BCLAF3: variants seen among roughly 807,000 people sequenced by gnomAD.
The protein encoded by BCLAF3 is transient octamer binding factor 1.
Under a neutral mutation model 51.2 loss-of-function variants are expected in BCLAF3, and 24 were observed. The observed-to-expected ratio is 0.47, with a 90% CI of 0.34 to 0.66. The LOEUF is 0.66. Ranked by LOEUF, BCLAF3 falls within the 30% of genes least tolerant of loss-of-function variation. The pLI is 0.01. For synonymous variants in BCLAF3, 152 were observed against 176.6 expected, an observed-to-expected ratio of 0.86 and a Z score of 1.10; for missense variants, 465 against 525.1, an observed-to-expected ratio of 0.89 and a Z score of 1.12.
At chrX:19,988,880 GCTTT>G (rs1911119904) in intron 1 of BCLAF3, among the ~76,000 whole-genome samples, 1 of 111,698 alleles carries the variant, frequency 9.0e-6, no homozygotes, top group South Asian at 3.7e-4. Flanking sequence ...ACCTAGATAA[GCTTT>G]CTTTACCAAA....
At chrX:19,963,186 T>G (rs1478586871) in intron 4 of BCLAF3, among the ~76,000 whole-genome samples, 1 of 105,341 alleles carries the variant, frequency 9.5e-6, no homozygotes, top group African/African-American at 3.4e-5. Context: ...GCTCCCTTTT[T>G]TTTTTTTTTT....
At chrX:19,939,573 A>C (rs1957270116) in intron 8 of BCLAF3, among the ~76,000 whole-genome samples, 2 of 112,212 alleles carry the variant, frequency 1.8e-5, no homozygotes, top group African/African-American at 6.5e-5. Context: ...ACACCACTTT[A>C]CACTAACTAG....
chrX:19,921,965 T>C (rs972590134), intron 11 of BCLAF3, among the ~76,000 whole-genome samples: 1 of 110,921 alleles, frequency 9.0e-6, no homozygotes, highest in East Asian at 2.8e-4. Flanking sequence ...ATCATGCCAT[T>C]ACACTCCAGC....
At chrX:19,959,148 C>T (rs2071768468) in intron 4 of BCLAF3, among the ~76,000 whole-genome samples, 1 of 112,266 alleles carries the variant, frequency 8.9e-6, no homozygotes, top group Non-Finnish European at 1.9e-5. Context: ...GTTTTTCTGC[C>T]ATTGTTAACC....
rs144225102 is a variant in BCLAF3, at chrX:19,980,424, A to C, written c.-34-10126T>G. Among the ~76,000 whole-genome samples the C allele has an allele frequency of 4.9e-3, 555 of 112,217 alleles. 1 individual carries two copies. The highest frequency in any genetic ancestry group is 8.3e-3 in the Non-Finnish European group (444 of 53,247). ...TTTACATCAGTCACGAAGTTCCTTAAACATCAAGGCAACAAGAAAAACAGT... is the reference window on the plus strand; with the variant it reads ...TTTACATCAGTCACGAAGTTCCTTACACATCAAGGCAACAAGAAAAACAGT... On this transcript the variant is annotated intron_variant, in intron 1 of 11. Coordinates refer to ENST00000379682, the MANE Select transcript of BCLAF3 (RefSeq NM_001367774.2).
rs747686606 is a variant in BCLAF3, at chrX:19,987,364, G to A, written c.-35+3544C>T. Among the ~76,000 whole-genome samples the A allele has an allele frequency of 2.7e-5, 3 of 112,192 alleles. No individual in the cohort carries two copies. The East Asian group carries it at 8.4e-4, about 31-fold the overall frequency. ...CTGTCACCCAGGCTGGAGTGCAGTG[G>A]CACGATCTCGACTCACTGCAACCTC... On this transcript the variant is annotated intron_variant, in intron 1 of 11. Coordinates refer to ENST00000379682, the MANE Select transcript of BCLAF3 (RefSeq NM_001367774.2).
chrX:19,968,611 G>T (rs749207729), intron 2 of BCLAF3, among the ~76,000 whole-genome samples: 1 of 113,115 alleles, frequency 8.8e-6, no homozygotes, highest in Admixed American at 9.3e-5. Context: ...AGCTCAAGCT[G>T]CTTGCTGTAT....
At position 19,966,254 on chromosome X, in the gene BCLAF3, C is replaced by T; in HGVS notation, c.437G>A (p.Arg146Lys). ...GGHSPDDHRV[R>K]GSGKGGKPPQ... ...TGGTTTCCCTCCTTTTCCACTTCCT[C>T]TAACTCTGTGGTCATCAGGACTATG... The change falls in exon 3 of 12, where the codon AGA becomes AAA. Residue 146 changes from arginine (R) to lysine (K), a missense_variant. By Grantham distance (26) the Arg-to-Lys change is conservative (BLOSUM62 2). Transcript: ENST00000379682. 1 of 1,211,694 alleles carries T rather than the reference C, an allele frequency of 8.3e-7. No individual in the cohort carries two copies. The highest frequency in any genetic ancestry group is 2.2e-5 in the Admixed American group (1 of 45,988).
rs374110992 is a variant in BCLAF3, at chrX:19,968,486, A to G, written c.41+1738T>C. Among the ~76,000 whole-genome samples, 3 of 113,056 alleles carry G rather than the reference A, an allele frequency of 2.7e-5. No homozygotes were observed. The Admixed American group carries it at 2.8e-4, about 11-fold the overall frequency. ...GGGACTCATGTTCCTCAGTTGTACT[A>G]TAACCCCACTGCCTGTATGGAAAGC... On this transcript the variant is annotated intron_variant, in intron 2 of 11. Coordinates refer to ENST00000379682, the MANE Select transcript of BCLAF3 (RefSeq NM_001367774.2).
At position 19,953,011 on chromosome X, in the gene BCLAF3, C is replaced by G; in HGVS notation, c.1606G>C (p.Ala536Pro). The G allele has an allele frequency of 8.3e-7, 1 of 1,207,985 alleles. No homozygotes were observed. Among genetic ancestry groups the G allele is most frequent in the East Asian group, 3.0e-5 (1 of 33,800 alleles). ...MSLAELQSKQAVIYESEQTLI... is the reference protein window; with the variant it reads ...MSLAELQSKQPVIYESEQTLI... ...ACCTGTTCCGATTCATAGATCACAGCTTGTTTACTCTGAAGCTCGGCCAAA... is the reference window on the plus strand; with the variant it reads ...ACCTGTTCCGATTCATAGATCACAGGTTGTTTACTCTGAAGCTCGGCCAAA... The change falls in exon 7 of 12, where the codon GCT (alanine) becomes CCT (proline). Residue 536 changes from alanine (A) to proline (P), a missense_variant. Coordinates refer to ENST00000379682, the MANE Select transcript of BCLAF3 (RefSeq NM_001367774.2).
chrX:19,924,146 T>A (rs2070282592), intron 11 of BCLAF3, among the ~76,000 whole-genome samples: 1 of 111,408 alleles, frequency 9.0e-6, no homozygotes, highest in Admixed American at 9.6e-5. Flanking sequence ...TTTTAGGACA[T>A]CCATGTGAGG....
At chrX:19,945,585 C>T (rs57560208) in intron 8 of BCLAF3, among the ~76,000 whole-genome samples, 1 of 78,709 alleles carries the variant, frequency 1.3e-5, no homozygotes, top group East Asian at 2.9e-4. Flanking sequence ...TTAGGCTGCT[C>T]GGGGGTCAGG....
intron 8 of BCLAF3, among the ~76,000 whole-genome samples, chrX:19,938,595 C>T (rs760640298): frequency 8.9e-6 from 1 of 112,404 alleles, no homozygotes; most frequent in East Asian, 2.8e-4. Flanking sequence ...CGGGGTTTCA[C>T]CATGTTGGCC....
In BCLAF3 at chrX:19,915,475, T is replaced by G. The variant is rs2069916266; in HGVS notation, c.*1830A>C. On this transcript the variant is annotated 3_prime_UTR_variant, in exon 12 of 12. Coordinates refer to ENST00000379682, the MANE Select transcript of BCLAF3 (RefSeq NM_001367774.2). ...TTTGCAGATAACACGCTTTGCATAT[T>G]GAGACAGTGCCAAAAGAATATCCAA... 1 of 112,361 alleles carries G rather than the reference T, an allele frequency of 8.9e-6. No homozygotes were observed. The highest frequency in any genetic ancestry group is 1.9e-5 in the Non-Finnish European group (1 of 53,315). 9.3% of individuals were successfully genotyped at this position (112,361 alleles called of 1,213,427 possible).
At chrX:19,953,157 G>T in intron 6 of BCLAF3, 106 bp from the exon 7 acceptor site, 1 of 636,640 alleles carries the variant, frequency 1.6e-6, no homozygotes, top group Non-Finnish European at 2.4e-6. Flanking sequence ...ATGTTTTGGA[G>T]CTAGCAAAAG....
At position 19,940,991 on chromosome X, in the gene BCLAF3, T is replaced by A. The variant is rs372540374; in HGVS notation, c.1746-3459A>T. Among the ~76,000 whole-genome samples the A allele has an allele frequency of 3.7e-4, 41 of 110,727 alleles. No individual in the cohort carries two copies. In the East Asian group the frequency reaches 8.5e-3, roughly 23 times the overall value. On this transcript the variant is annotated intron_variant, in intron 8 of 11. Coordinates refer to ENST00000379682, the MANE Select transcript of BCLAF3 (RefSeq NM_001367774.2). ...ACTGGTGTGATATGATATCTCATAG[T>A]GGTTTTGATTTGCATTTCTCTGATG...
intron 1 of BCLAF3, among the ~76,000 whole-genome samples, chrX:19,978,168 A>T (rs1285736347): frequency 8.9e-6 from 1 of 112,389 alleles, no homozygotes; most frequent in Non-Finnish European, 1.9e-5. Flanking sequence ...ATCAAGGAGT[A>T]ATTTTGACTT....
At chrX:19,920,802 C>T (rs2070124421) in intron 11 of BCLAF3, among the ~76,000 whole-genome samples, 2 of 99,768 alleles carry the variant, frequency 2.0e-5, no homozygotes, top group Non-Finnish European at 4.0e-5. Flanking sequence ...GCCTGGGCGA[C>T]AGAGTGAGAC....
chrX:19,935,183 CAA>C (rs746668820), intron 10 of BCLAF3, among the ~76,000 whole-genome samples: 5 of 70,213 alleles, frequency 7.1e-5, no homozygotes, highest in Non-Finnish European at 5.6e-5. Context: ...GACTCCATCT[CAA>C]AAAAAAAAAA....
Sources: allele counts gnomAD v4.1 joint callset (sites outside exome capture counted in the v4.1 genomes callset), GRCh38; gene constraint gnomAD v4.1.1; transcripts MANE v1.5; gene names NCBI Gene and HGNC (gene_info 2026-07-23, HGNC 2026-07-21).